GALNT9: variants seen among roughly 807,000 people sequenced by gnomAD.
GALNT9 encodes the protein polypeptide N-acetylgalactosaminyltransferase 9, also known as GalNAc transferase 9.
GALNT9 carries 47 observed loss-of-function variants against 63.1 expected under a neutral mutation model. The ratio of observed to expected loss-of-function variants is 0.75; its 90% CI spans 0.59 to 0.95. The LOEUF (loss-of-function observed/expected upper bound fraction) is 0.95, where lower values mean the gene tolerates loss of function less well. GALNT9 is among the 40% of genes least tolerant of loss of function. The pLI is 0.00. For synonymous variants in GALNT9, 396 were observed against 365.7 expected, an observed-to-expected ratio of 1.08 and a Z score of -0.94; for missense variants, 829 against 874.8, an observed-to-expected ratio of 0.95 and a Z score of 0.66.
intron 3 of GALNT9, 124 bp downstream of exon 3, chr12:132,262,335 C>G: frequency 7.8e-7 from 1 of 1,288,094 alleles, no homozygotes; most frequent in African/African-American, 1.5e-5. Context: ...AGGTTTAGAG[C>G]CCCTGCGGAC....
chr12:132,291,220 T>A (rs1373649856), intron 1 of GALNT9, among the ~76,000 whole-genome samples: 1 of 31,486 alleles, frequency 3.2e-5, no homozygotes, highest in Non-Finnish European at 5.2e-5. Flanking sequence ...ACCACCCACA[T>A]CCACAGCGCC....
At chr12:132,320,747 G>C (rs985091554) in intron 1 of GALNT9, among the ~76,000 whole-genome samples, 1 of 143,572 alleles carries the variant, frequency 7.0e-6, no homozygotes, top group Non-Finnish European at 1.5e-5. Context: ...AGGTGCCCTC[G>C]GGGTTGGAGA....
chr12:132,220,177 T>C (rs1159224818), intron 6 of GALNT9, among the ~76,000 whole-genome samples: 1 of 152,100 alleles, frequency 6.6e-6, no homozygotes, highest in Non-Finnish European at 1.5e-5. Flanking sequence ...GAGGATCACC[T>C]AAGCCCAGGA....
intron 10 of GALNT9, 143 bp from the exon 11 acceptor site, chr12:132,197,396 C>G: frequency 5.6e-6 from 7 of 1,240,678 alleles, no homozygotes; most frequent in Non-Finnish European, 7.7e-6. Flanking sequence ...CACAGCAGCA[C>G]CCAGGGGGGC....
In GALNT9 at chr12:132,268,206, C is replaced by A. The variant is rs28761191; in HGVS notation, c.420-5581G>T. On this transcript the variant is annotated intron_variant, in intron 2 of 10. Coordinates refer to ENST00000328957, the MANE Select transcript of GALNT9 (RefSeq NM_001122636.2). ...ATGTACTCACACACATGCACTCACA[C>A]CCATACACACATTCACACACACTCA... Among the ~76,000 whole-genome samples the A allele has an allele frequency of 5.5e-4, 84 of 152,082 alleles. 1 individual carries two copies. In the East Asian group the frequency reaches 0.014, roughly 26 times the overall value.
Position 132,318,099 on chromosome 12 carries a change from G to A in GALNT9, c.238+10867C>T, listed in dbSNP as rs145487616. ...CTATCAAAAAATACAAAAATTAGCC[G>A]GGCATGGTGGTGAGCACCTGTAATC... On this transcript the variant is annotated intron_variant, in intron 1 of 10. Coordinates refer to ENST00000328957, the MANE Select transcript of GALNT9 (RefSeq NM_001122636.2). 2.9e-3 allele frequency among the ~76,000 whole-genome samples: 439 copies of A among 152,210 alleles called. 1 individual carries two copies. The highest frequency in any genetic ancestry group is 6.5e-3 in the African/African-American group (269 of 41,530).
chr12:132,210,709 TA>T (rs1876918184), intron 6 of GALNT9, among the ~76,000 whole-genome samples: 1 of 152,118 alleles, frequency 6.6e-6, no homozygotes, highest in Non-Finnish European at 1.5e-5. Flanking sequence ...CTGACCATCT[TA>T]ATGGTTGAAT....
At chr12:132,268,242 TACAC>T (rs1879728751) in intron 2 of GALNT9, among the ~76,000 whole-genome samples, 1 of 150,540 alleles carries the variant, frequency 6.6e-6, no homozygotes, top group African/African-American at 2.4e-5. Context: ...TACCCACACA[TACAC>T]TCACACATGG....
intron 5 of GALNT9, among the ~76,000 whole-genome samples, 163 bp from the exon 6 acceptor site, chr12:132,248,190 C>T (rs1306760465): frequency 6.6e-6 from 1 of 152,224 alleles, no homozygotes; most frequent in African/African-American, 2.4e-5. Context: ...GCCGCTGCTC[C>T]TCCAGCCACC....
In GALNT9 at chr12:132,281,722, G is replaced by C. The variant is rs189236888; in HGVS notation, c.419+4528C>G. Among the ~76,000 whole-genome samples the C allele has an allele frequency of 7.9e-5, 12 of 152,328 alleles. No individual in the cohort carries two copies. In the East Asian group the frequency reaches 2.1e-3, roughly 27 times the overall value. On this transcript the variant is annotated intron_variant, in intron 2 of 10. Coordinates refer to ENST00000328957, the MANE Select transcript of GALNT9 (RefSeq NM_001122636.2). ...CTACAGCAGCGGCCACCTACACCTG[G>C]GGGGAGGCAGCAGGATGCTGAACCC...
At chr12:132,264,880 C>G (rs1264707606) in intron 2 of GALNT9, among the ~76,000 whole-genome samples, 4 of 152,304 alleles carry the variant, frequency 2.6e-5, no homozygotes, top group South Asian at 2.1e-4. Flanking sequence ...AGGGTCCGAT[C>G]CAGGTTCGAG....
intron 6 of GALNT9, among the ~76,000 whole-genome samples, chr12:132,227,282 G>A (rs898196448): frequency 0.011 from 1,728 of 152,252 alleles, 22 homozygotes; most frequent in African/African-American, 0.039. Flanking sequence ...GGGCACCAGC[G>A]TGCAGCTGTG....
At chr12:132,237,046 C>T (rs2136895146) in intron 6 of GALNT9, among the ~76,000 whole-genome samples, 6 of 152,202 alleles carry the variant, frequency 3.9e-5, no homozygotes, top group Non-Finnish European at 7.3e-5. Flanking sequence ...CTCCACTGGA[C>T]TTCTCCTCCA....
chr12:132,299,660 T>G (rs1381498705), intron 1 of GALNT9, among the ~76,000 whole-genome samples: 1 of 133,808 alleles, frequency 7.5e-6, no homozygotes, highest in Non-Finnish European at 1.6e-5. Flanking sequence ...CTCCCATAAC[T>G]AACACACTCC....
At chr12:132,322,430 A>G (rs990309442) in intron 1 of GALNT9, among the ~76,000 whole-genome samples, 2 of 152,210 alleles carry the variant, frequency 1.3e-5, no homozygotes, top group African/African-American at 4.8e-5. Flanking sequence ...GCCGTTGCTC[A>G]CTGAGACAGG....
chr12:132,218,109 A>G (rs1468775209), intron 6 of GALNT9, among the ~76,000 whole-genome samples: 1 of 150,796 alleles, frequency 6.6e-6, no homozygotes, highest in East Asian at 2.0e-4. Context: ...TCATTTGCCC[A>G]CCTAGCGACC....
chr12:132,240,478 GC>G (rs2136898314), intron 6 of GALNT9: 3 of 388,016 alleles, frequency 7.7e-6, no homozygotes, highest in Non-Finnish European at 1.0e-5. Context: ...GAATAGCCGT[GC>G]CCAGCTCGGA....
At position 132,261,706 on chromosome 12, in the gene GALNT9, C is replaced by T. The variant is rs147004930; in HGVS notation, c.587-584G>A. 1.3e-3 allele frequency among the ~76,000 whole-genome samples: 204 copies of T among 152,374 alleles called. 1 individual carries two copies. The highest frequency in any genetic ancestry group is 4.3e-3 in the African/African-American group (179 of 41,588). On this transcript the variant is annotated intron_variant, in intron 3 of 10. Transcript: ENST00000328957. ...CACAGCCCCATGGCACAGCCTCCTG[C>T]CTCCACGAGGGGTCAGGAAGGGGCT...
chr12:132,293,418 C>A (rs2135568448), intron 1 of GALNT9, among the ~76,000 whole-genome samples: 1 of 152,322 alleles, frequency 6.6e-6, no homozygotes, highest in East Asian at 1.9e-4. Context: ...CATAAAGATG[C>A]CTTATTTAAT....
Sources: gnomAD v4.1 joint callset for allele counts (sites outside exome capture counted in the v4.1 genomes callset) on GRCh38, gnomAD v4.1.1 for gene constraint, MANE v1.5 for transcripts, NCBI Gene and HGNC (gene_info 2026-07-23, HGNC 2026-07-21) for gene names.